Variants in NCAPG observed in about 807,000 individuals in gnomAD.
The protein encoded by NCAPG is non-SMC condensin I complex subunit G.
A neutral mutation model predicts 113.1 loss-of-function variants in NCAPG; 69 were observed. The observed-to-expected ratio is 0.61, with a 90% CI of 0.50 to 0.75. The LOEUF (loss-of-function observed/expected upper bound fraction) is 0.75. Among genes scored for constraint, NCAPG ranks in the 30% least tolerant of loss-of-function variants. The pLI, the probability that NCAPG is intolerant of heterozygous loss-of-function variation, is 0.00. For missense variants in NCAPG, 1,058 were observed against 1,177.0 expected, an observed-to-expected ratio of 0.90 and a Z score of 1.48; for synonymous variants, 370 against 415.8, an observed-to-expected ratio of 0.89 and a Z score of 1.34.
intron 11 of NCAPG, 125 bp downstream of exon 11, chr4:17,825,686 A>C: frequency 3.9e-6 from 3 of 777,566 alleles, no homozygotes. Flanking sequence ...TAGTGACATG[A>C]ATTAAAATGA....
In NCAPG at chr4:17,840,633, C is replaced by T. The variant is rs779605578; in HGVS notation, c.2794C>T (p.Pro932Ser). ...AAAGAATAAAGAAGTATATATGACT[C>T]CACTCAGGGGTGTAAAAGCAACCCA... The part of the protein sequence containing the change: ...DEKNKEVYMT[P>S]LRGVKATQAS... Residue 932 changes from proline (P) to serine (S), a missense_variant, in exon 19 of 21, where the codon CCA (proline) becomes TCA (serine). Physicochemically the swap from Pro to Ser is moderately conservative, Grantham distance 74. Transcript: ENST00000251496. 15 of 1,546,336 alleles carry T rather than the reference C, an allele frequency of 9.7e-6. No individual in the cohort carries two copies. The highest frequency in any genetic ancestry group is 4.2e-5 in the African/African-American group (3 of 71,612).
chr4:17,812,244 T>A lies in NCAPG; in HGVS notation c.135T>A (p.His45Gln), dbSNP rs1721011983. 4 of 1,612,924 alleles carry A rather than the reference T, an allele frequency of 2.5e-6. No individual in the cohort carries two copies. The highest frequency in any genetic ancestry group is 1.1e-5 in the South Asian group (1 of 90,862). The change falls in exon 2 of 21, where the codon CAT (histidine) becomes CAA (glutamine). Residue 45 changes from histidine (H) to glutamine (Q), a missense_variant. By Grantham distance (24) the His-to-Gln change is conservative. Transcript: ENST00000251496. ...YRTMDDKTVFHEEFIHYLKYV... is the reference protein window; with the variant it reads ...YRTMDDKTVFQEEFIHYLKYV... ...AGATGGATGATAAGACAGTTTTTCA[T>A]GAGGAGTTCATTCATTACCTTAAAT...
chr4:17,842,591 G>GTCTT, intron 20 of NCAPG: 1 of 511,306 alleles, frequency 2.0e-6, no homozygotes, highest in East Asian at 3.4e-5. Context: ...AGCTGGCATG[G>GTCTT]TCTTTAGTAC....
chr4:17,812,201 G>A lies in NCAPG; in HGVS notation c.112-20G>A, dbSNP rs1224973933. ...GATTTTTATCGGTGCAGTTTATGAA[G>A]GGTTTCTTTTGTCTTTCAGATGGAT... On this transcript the variant is annotated intron_variant, in intron 1 of 20. Coordinates refer to ENST00000251496, the MANE Select transcript of NCAPG (RefSeq NM_022346.5). 1 of 1,597,942 alleles carries A rather than the reference G, an allele frequency of 6.3e-7. No individual in the cohort carries two copies. The highest frequency in any genetic ancestry group is 8.6e-7 in the Non-Finnish European group (1 of 1,167,130).
chr4:17,839,993 C>T, intron 17 of NCAPG, 78 bp from the exon 18 acceptor site: 2 of 1,502,954 alleles, frequency 1.3e-6, no homozygotes, highest in African/African-American at 2.8e-5. Context: ...TTTTAAACAA[C>T]TTGATATGTA....
rs775104185 is a variant in NCAPG, at chr4:17,843,433, G to C, written c.*8G>C. ...AATGAAGATCTAAGTTAGGAAAGAC[G>C]ATGGAGGTGGAATCCTTTAAGATTA... On this transcript the variant is annotated 3_prime_UTR_variant, in exon 21 of 21. Coordinates refer to ENST00000251496, the MANE Select transcript of NCAPG (RefSeq NM_022346.5). 1 of 1,610,016 alleles carries C rather than the reference G, an allele frequency of 6.2e-7. No homozygotes were observed. The highest frequency in any genetic ancestry group is 1.7e-5 in the Admixed American group (1 of 59,864).
chr4:17,839,630 T>C (rs773981222), intron 16 of NCAPG, 46 bp from the exon 17 acceptor site: 2 of 1,295,086 alleles, frequency 1.5e-6, no homozygotes, highest in Non-Finnish European at 2.1e-6. Flanking sequence ...TATATAATAA[T>C]CATAATCATC....
intron 13 of NCAPG, among the ~76,000 whole-genome samples, chr4:17,831,985 A>G (rs1479327261): frequency 1.3e-5 from 2 of 152,180 alleles, no homozygotes; most frequent in African/African-American, 2.4e-5. Flanking sequence ...TGTGGGCCAT[A>G]TGATCTGTCT....
chr4:17,838,341 A>C (rs1435407394), intron 16 of NCAPG, among the ~76,000 whole-genome samples: 3 of 152,230 alleles, frequency 2.0e-5, no homozygotes, highest in Non-Finnish European at 4.4e-5. Flanking sequence ...GATTAAGTTG[A>C]AAGTATTACT....
chr4:17,823,364 A>C (rs1490796124), intron 8 of NCAPG, among the ~76,000 whole-genome samples: 1 of 152,180 alleles, frequency 6.6e-6, no homozygotes, highest in Admixed American at 6.5e-5. Context: ...TAGATTTATT[A>C]AGGCTAGTAG....
At chr4:17,819,493 C>A (rs1165786919) in intron 7 of NCAPG, among the ~76,000 whole-genome samples, 1 of 152,032 alleles carries the variant, frequency 6.6e-6, no homozygotes, top group Admixed American at 6.6e-5. Flanking sequence ...CCTCCGCCTC[C>A]CGGGTTCAAG....
chr4:17,832,663 T>A (rs1721911263), intron 13 of NCAPG, among the ~76,000 whole-genome samples: 1 of 152,284 alleles, frequency 6.6e-6, no homozygotes, highest in African/African-American at 2.4e-5. Flanking sequence ...TAGTATCTGA[T>A]AGTATGCAAC....
chr4:17,824,880 T>G (rs1487190501), intron 9 of NCAPG, 88 bp from the exon 10 acceptor site: 2 of 830,286 alleles, frequency 2.4e-6, no homozygotes, highest in Admixed American at 2.5e-5. Context: ...CAATATATGG[T>G]GGATACTACT....
In NCAPG at chr4:17,811,007, C is replaced by T. The variant is rs895598860; in HGVS notation, c.-71C>T. On this transcript the variant is annotated 5_prime_UTR_variant, in exon 1 of 21. Transcript: ENST00000251496. The surrounding 1 kb of genome is among the most constrained non-coding windows in gnomAD (Gnocchi z 5.3). ...ATAGAAGACTACTCGGAGAGCGCTG[C>T]CTCTGGGTTGGCGGGCTGGCAGGCT... The T allele has an allele frequency of 4.5e-6, 4 of 897,368 alleles. No homozygotes were observed. Among genetic ancestry groups the T allele is most frequent in the Non-Finnish European group, 6.5e-6 (4 of 613,422 alleles). The allele number at this position is 897,368 out of a possible 1,614,324, so 55.6% of individuals were successfully genotyped here.
At chr4:17,815,565 C>G (rs939113227) in intron 5 of NCAPG, among the ~76,000 whole-genome samples, 1 of 152,156 alleles carries the variant, frequency 6.6e-6, no homozygotes. Flanking sequence ...CACTCTATCA[C>G]CCAGACTGGA....
intron 12 of NCAPG, among the ~76,000 whole-genome samples, chr4:17,828,864 G>A (rs1721758402): frequency 6.6e-6 from 1 of 151,072 alleles, no homozygotes; most frequent in Non-Finnish European, 1.5e-5. Context: ...TTTCTGATAA[G>A]GAATATAGTG....
chr4:17,840,216 AC>A lies in NCAPG; in HGVS notation c.2767+8del. ...ACTTTCCAAAATGAAGATGGTAATCACATACTGAACAGAATATTTATAAGGT... is the reference window on the plus strand; with the variant it reads ...ACTTTCCAAAATGAAGATGGTAATCAATACTGAACAGAATATTTATAAGGT... On this transcript the variant is annotated splice_region_variant and intron_variant, in intron 18 of 20. Coordinates refer to ENST00000251496, the MANE Select transcript of NCAPG (RefSeq NM_022346.5). The A allele has an allele frequency of 6.4e-7, 1 of 1,574,068 alleles. No individual in the cohort carries two copies. Among genetic ancestry groups the A allele is most frequent in the Non-Finnish European group, 8.6e-7 (1 of 1,166,534 alleles).
At chr4:17,818,210 T>C in intron 7 of NCAPG, 122 bp downstream of exon 7, 1 of 985,586 alleles carries the variant, frequency 1.0e-6, no homozygotes, top group African/African-American at 1.6e-5. Context: ...TTTGTACATG[T>C]AGGGATAGTT....
intron 7 of NCAPG, among the ~76,000 whole-genome samples, chr4:17,818,553 A>C (rs530629711): frequency 1.2e-3 from 183 of 152,224 alleles, no homozygotes; most frequent in Non-Finnish European, 2.1e-3. Flanking sequence ...GTTGAACTTT[A>C]ATATTCATGT....
Sources: allele counts gnomAD v4.1 joint callset (sites outside exome capture counted in the v4.1 genomes callset), GRCh38; gene constraint gnomAD v4.1.1; non-coding constraint Gnocchi (gnomAD v3.1); transcripts MANE v1.5; gene names NCBI Gene and HGNC (gene_info 2026-07-23, HGNC 2026-07-21).